GAREM1: variants seen among roughly 807,000 people sequenced by gnomAD.
GAREM1 encodes GRB2 associated regulator of MAPK1 subtype 1, also known as GRB2-associated and regulator of MAPK protein 1.
In GAREM1, 26 loss-of-function variants were observed where a neutral mutation model predicts 71.3. The observed-to-expected ratio is 0.36, with a 90% CI of 0.27 to 0.51. The LOEUF (loss-of-function observed/expected upper bound fraction) is 0.51, where lower values mean the gene tolerates loss of function less well. Ranked by LOEUF, GAREM1 falls within the 20% of genes least tolerant of loss-of-function variation. The pLI, the probability that GAREM1 is intolerant of heterozygous loss-of-function variation, is 0.95. For missense variants in GAREM1, 1,026 were observed against 1,103.1 expected, an observed-to-expected ratio of 0.93 and a Z score of 0.99; for synonymous variants, 440 against 433.2, an observed-to-expected ratio of 1.02 and a Z score of -0.20.
At chr18:32,380,194 G>A (rs946205246) in intron 2 of GAREM1, among the ~76,000 whole-genome samples, 3 of 152,050 alleles carry the variant, frequency 2.0e-5, no homozygotes, top group Non-Finnish European at 4.4e-5. Flanking sequence ...ATCAAGTCTC[G>A]GCCGGGAGCA....
At position 32,268,419 on chromosome 18, in the gene GAREM1, A is replaced by AACCAGAGACGCTGCT. The variant is rs2041407650; in HGVS notation, c.2068_2082dup (p.Ser690_Gly694dup). Reference sequence around the variant, plus strand: ...AGAGAGTAGCTGGCTGACTTGGGACAACCAGAGACGCTGCTACTGAATTCT... The same window carrying AACCAGAGACGCTGCT: ...AGAGAGTAGCTGGCTGACTTGGGACAACCAGAGACGCTGCTACCAGAGACGCTGCTACTGAATTCT... On this transcript the variant is annotated inframe_insertion, in exon 6 of 6. Coordinates refer to ENST00000269209, the MANE Select transcript of GAREM1 (RefSeq NM_001242409.2). 6.2e-7 allele frequency: 1 copy of AACCAGAGACGCTGCT among 1,614,090 alleles called. No individual in the cohort carries two copies. The highest frequency in any genetic ancestry group is 1.7e-5 in the Admixed American group (1 of 60,008).
intron 3 of GAREM1, among the ~76,000 whole-genome samples, chr18:32,297,985 C>T (rs904955322): frequency 1.3e-5 from 2 of 152,180 alleles, no homozygotes; most frequent in African/African-American, 2.4e-5. Context: ...AAGTACTGCA[C>T]AGGAAATGAA....
chr18:32,385,830 C>T (rs1389379531), intron 2 of GAREM1, among the ~76,000 whole-genome samples: 1 of 152,130 alleles, frequency 6.6e-6, no homozygotes, highest in Non-Finnish European at 1.5e-5. Context: ...ATCTCTAAAC[C>T]TCAGCTTGTA....
At chr18:32,282,166 T>C (rs1207481806) in intron 4 of GAREM1, among the ~76,000 whole-genome samples, 6 of 152,218 alleles carry the variant, frequency 3.9e-5, no homozygotes, top group Admixed American at 3.9e-4. Context: ...AACAGCCATG[T>C]TGCTCACACA....
intron 3 of GAREM1, among the ~76,000 whole-genome samples, chr18:32,303,559 C>T (rs2047220256): frequency 1.3e-5 from 2 of 152,112 alleles, no homozygotes; most frequent in Admixed American, 1.3e-4. Context: ...TTCGAAACCA[C>T]AACAAAGAAC....
chr18:32,371,273 T>C (rs2047976342), intron 2 of GAREM1, among the ~76,000 whole-genome samples: 1 of 152,118 alleles, frequency 6.6e-6, no homozygotes, highest in Non-Finnish European at 1.5e-5. Flanking sequence ...CTTGTTGGTC[T>C]GGAGATCCAC....
intron 1 of GAREM1, among the ~76,000 whole-genome samples, chr18:32,425,826 C>T (rs2048569293): frequency 6.6e-6 from 1 of 152,104 alleles, no homozygotes; most frequent in Non-Finnish European, 1.5e-5. Flanking sequence ...AGAAAGAAAA[C>T]AGTTGTTCAG....
chr18:32,323,016 AAT>A (rs2144542202), intron 2 of GAREM1, among the ~76,000 whole-genome samples: 1 of 152,364 alleles, frequency 6.6e-6, no homozygotes, highest in African/African-American at 2.4e-5. Context: ...CTCAAACTCA[AAT>A]ACTTATGAGA....
chr18:32,284,770 G>A (rs1164737613), intron 4 of GAREM1, among the ~76,000 whole-genome samples: 1 of 95,966 alleles, frequency 1.0e-5, no homozygotes, highest in African/African-American at 4.2e-5. Context: ...TTTTTTTTTT[G>A]AGACAGTCTC....
At chr18:32,464,295 T>G (rs1315238896) in intron 1 of GAREM1, among the ~76,000 whole-genome samples, 1 of 151,768 alleles carries the variant, frequency 6.6e-6, no homozygotes, top group African/African-American at 2.4e-5. Flanking sequence ...AAAAAAGATG[T>G]AAGTGTCTAA....
chr18:32,418,889 C>T (rs185643334), intron 1 of GAREM1, among the ~76,000 whole-genome samples: 50 of 152,316 alleles, frequency 3.3e-4, no homozygotes, highest in African/African-American at 1.1e-3. Context: ...TTTTGTAATG[C>T]TGTGTAACAA....
At chr18:32,297,051 C>T (rs1200887706) in intron 3 of GAREM1, among the ~76,000 whole-genome samples, 2 of 152,214 alleles carry the variant, frequency 1.3e-5, no homozygotes, top group Admixed American at 6.5e-5. Context: ...TGGGACACTG[C>T]CACACCCATT....
chr18:32,398,474 AT>A (rs2048279913), intron 1 of GAREM1, among the ~76,000 whole-genome samples: 1 of 152,200 alleles, frequency 6.6e-6, no homozygotes, highest in Non-Finnish European at 1.5e-5. Context: ...ATAAAAAATG[AT>A]AAAGGGGATA....
chr18:32,374,910 G>C (rs991705188), intron 2 of GAREM1, among the ~76,000 whole-genome samples: 5 of 152,108 alleles, frequency 3.3e-5, no homozygotes, highest in African/African-American at 4.8e-5. Context: ...TTCCAATAGA[G>C]TGCCATCAAA....
intron 1 of GAREM1, among the ~76,000 whole-genome samples, chr18:32,446,089 G>T (rs894365226): frequency 6.6e-6 from 1 of 152,164 alleles, no homozygotes. Flanking sequence ...ACACAGAGCT[G>T]TGCAGCAGAA....
chr18:32,429,626 A>G (rs1189826316), intron 1 of GAREM1, among the ~76,000 whole-genome samples: 2 of 152,240 alleles, frequency 1.3e-5, no homozygotes, highest in Non-Finnish European at 2.9e-5. Context: ...CTGTGAAGAT[A>G]TGAATTGAGA....
intron 2 of GAREM1, among the ~76,000 whole-genome samples, chr18:32,343,413 C>T (rs574831591): frequency 2.2e-4 from 32 of 146,976 alleles, no homozygotes; most frequent in African/African-American, 8.1e-4. Context: ...CTCCTGGGTT[C>T]AAGTGATTCT....
chr18:32,403,305 T>C (rs2048334332), intron 1 of GAREM1, among the ~76,000 whole-genome samples: 2 of 152,142 alleles, frequency 1.3e-5, no homozygotes, highest in African/African-American at 4.8e-5. Flanking sequence ...AACAATTCCA[T>C]TCATACAGAA....
At chr18:32,404,813 TTGAC>T (rs1327022459) in intron 1 of GAREM1, among the ~76,000 whole-genome samples, 1 of 152,252 alleles carries the variant, frequency 6.6e-6, no homozygotes, top group Non-Finnish European at 1.5e-5. Context: ...TAAATAGTTA[TTGAC>T]TGACTAACAT....
Sources: gnomAD v4.1 joint callset for allele counts (sites outside exome capture counted in the v4.1 genomes callset) on GRCh38, gnomAD v4.1.1 for gene constraint, MANE v1.5 for transcripts, NCBI Gene and HGNC (gene_info 2026-07-23, HGNC 2026-07-21) for gene names.